The following PDK1 variants were observed in gnomAD, a reference collection of about 807,000 sequenced individuals.
PDK1 encodes the protein [Pyruvate dehydrogenase (acetyl-transferring)] kinase isozyme 1, mitochondrial.
In PDK1, 39 loss-of-function variants were observed where a neutral mutation model predicts 54.2. The observed-to-expected ratio is 0.72, with a 90% CI of 0.56 to 0.94. The LOEUF is 0.94. Among genes scored for constraint, PDK1 ranks in the 40% least tolerant of loss-of-function variants. The probability of loss-of-function intolerance (pLI) is 0.00; values close to 1 mark genes in which losing one functional copy is unlikely to be tolerated. For synonymous variants in PDK1, 221 were observed against 207.1 expected (o/e 1.07, Z -0.58); for missense variants, 552 against 566.0 (o/e 0.98, Z 0.25).
At chr2:172,649,501 AAGAAGG>A in the PDK1 span, among the ~76,000 whole-genome samples, 5 of 152,230 alleles carry the variant, frequency 3.3e-5, 1 homozygote, top group Admixed American at 3.3e-4. Flanking sequence ...GAGTTGAGAG[AAGAAGG>A]CTTCAGATGA....
At chr2:172,562,198 A>T in intron 2 of PDK1, 22 bp from the exon 3 acceptor site, 1 of 1,332,232 alleles carries the variant, frequency 7.5e-7, no homozygotes, top group Non-Finnish European at 1.1e-6. Flanking sequence ...GAACAAACTT[A>T]TCCTATTGAT....
chr2:172,638,736 C>CT, the PDK1 span, among the ~76,000 whole-genome samples: 1 of 152,262 alleles, frequency 6.6e-6, no homozygotes, highest in Non-Finnish European at 1.5e-5. Flanking sequence ...CTGTGTCTAG[C>CT]TAATTGGGTA....
At chr2:172,634,032 G>T in the PDK1 span, among the ~76,000 whole-genome samples, 1 of 150,064 alleles carries the variant, frequency 6.7e-6, no homozygotes. Context: ...CACTCCACCA[G>T]GCCTGGCTAA....
chr2:172,685,122 A>G, the PDK1 span, among the ~76,000 whole-genome samples: 1 of 152,176 alleles, frequency 6.6e-6, no homozygotes, highest in Non-Finnish European at 1.5e-5. Context: ...CTCCCCTGCC[A>G]TGTGGAACTG....
intron 2 of PDK1, among the ~76,000 whole-genome samples, chr2:172,561,627 T>G (rs573182379): frequency 6.6e-6 from 1 of 152,236 alleles, no homozygotes; most frequent in Non-Finnish European, 1.5e-5. Context: ...GCTCATTCCT[T>G]AACAGATGCT....
chr2:172,606,244 T>C lies in PDK1; in HGVS notation c.*10275T>C, dbSNP rs1408837776. 6.6e-6 allele frequency: 1 copy of C among 152,188 alleles called. No individual in the cohort carries two copies. Among genetic ancestry groups the C allele is most frequent in the African/African-American group, 2.4e-5 (1 of 41,444 alleles). The allele number at this position is 152,188 out of a possible 1,614,324, so 9.4% of individuals were successfully genotyped here. ...AGAGTATAGTGATCATAAGCAGACA[T>C]TGGGTGCTTTAGCAAAGCCAATTTG... On this transcript the variant is annotated 3_prime_UTR_variant, in exon 11 of 11. Transcript: ENST00000282077.
chr2:172,686,906 G>C, the PDK1 span, among the ~76,000 whole-genome samples: 7 of 152,132 alleles, frequency 4.6e-5, no homozygotes, highest in African/African-American at 1.7e-4. Context: ...CAACTAAAAT[G>C]AACTTAATCA....
the PDK1 span, among the ~76,000 whole-genome samples, chr2:172,647,597 T>C: frequency 1.3e-5 from 2 of 151,882 alleles, no homozygotes; most frequent in African/African-American, 4.8e-5. Flanking sequence ...ATTGAATGAA[T>C]GAGTAAAAAA....
the PDK1 span, among the ~76,000 whole-genome samples, chr2:172,632,980 CAAAA>C: frequency 1.3e-4 from 10 of 75,468 alleles, 1 homozygote; most frequent in Admixed American, 1.4e-3. Flanking sequence ...GATTCTGTCT[CAAAA>C]AAAAAAAAAG....
chr2:172,642,153 C>T, the PDK1 span, among the ~76,000 whole-genome samples: 2 of 151,986 alleles, frequency 1.3e-5, no homozygotes, highest in Admixed American at 1.3e-4. Flanking sequence ...GAATACAGAG[C>T]GGAATGGAGC....
intron 8 of PDK1, among the ~76,000 whole-genome samples, chr2:172,579,175 C>T (rs1462889962): frequency 6.6e-6 from 1 of 152,158 alleles, no homozygotes; most frequent in African/African-American, 2.4e-5. Flanking sequence ...TAGCTGTTGT[C>T]CAGTTTCTTC....
At chr2:172,610,317 G>A (rs1037297036), downstream of PDK1, among the ~76,000 whole-genome samples, 5 of 151,992 alleles carry the variant, frequency 3.3e-5, no homozygotes, top group African/African-American at 1.2e-4. Flanking sequence ...TGAAAAATAG[G>A]TATCCAGTAT....
At chr2:172,626,168 A>T in the PDK1 span, among the ~76,000 whole-genome samples, 1 of 152,088 alleles carries the variant, frequency 6.6e-6, no homozygotes, top group Non-Finnish European at 1.5e-5. Context: ...AAGTTTATTT[A>T]TTTTTCGGAT....
At chr2:172,629,093 G>C in the PDK1 span, among the ~76,000 whole-genome samples, 233 of 152,192 alleles carry the variant, frequency 1.5e-3, 3 homozygotes, top group Non-Finnish European at 3.1e-4. Flanking sequence ...TCATACCACT[G>C]TACCTATAGC....
At chr2:172,651,354 T>G in the PDK1 span, among the ~76,000 whole-genome samples, 8 of 152,176 alleles carry the variant, frequency 5.3e-5, no homozygotes, top group African/African-American at 1.9e-4. Context: ...TAGCACTAAA[T>G]GCCCACAAGG....
chr2:172,659,930 C>G, the PDK1 span, among the ~76,000 whole-genome samples: 1 of 152,140 alleles, frequency 6.6e-6, no homozygotes, highest in African/African-American at 2.4e-5. Context: ...ATTTGACCAG[C>G]TGAATCATTA....
At chr2:172,593,304 A>G (rs1478336140) in intron 10 of PDK1, among the ~76,000 whole-genome samples, 1 of 152,220 alleles carries the variant, frequency 6.6e-6, no homozygotes, top group Non-Finnish European at 1.5e-5. Context: ...CATAAGTTAT[A>G]TATCATACAA....
chr2:172,576,417 T>C (rs139775806), intron 8 of PDK1, among the ~76,000 whole-genome samples: 2,146 of 152,038 alleles, frequency 0.014, 37 homozygotes, highest in South Asian at 0.028. Context: ...TAAATACTTA[T>C]CAATTTTGTT....
the PDK1 span, among the ~76,000 whole-genome samples, chr2:172,712,259 A>G: frequency 5.3e-5 from 8 of 152,256 alleles, no homozygotes; most frequent in Non-Finnish European, 1.0e-4. Flanking sequence ...GTAATTTAAC[A>G]TATAATGTGG....
Sources: allele counts gnomAD v4.1 joint callset (sites outside exome capture counted in the v4.1 genomes callset), GRCh38; gene constraint gnomAD v4.1.1; transcripts MANE v1.5; gene names NCBI Gene and HGNC (gene_info 2026-07-23, HGNC 2026-07-21).